Variants in ACACA observed in about 807,000 individuals in gnomAD.
ACACA encodes acetyl-CoA carboxylase alpha.
A neutral mutation model predicts 296.1 loss-of-function variants in ACACA; 103 were observed. That is an observed-to-expected ratio of 0.35 (90% CI 0.30 to 0.41). ACACA has a LOEUF of 0.41. ACACA is among the 10% of genes least tolerant of loss of function. The probability of loss-of-function intolerance (pLI) is 1.00; values close to 1 mark genes in which losing one functional copy is unlikely to be tolerated. For synonymous variants in ACACA, 953 were observed against 1,038.6 expected, an observed-to-expected ratio of 0.92 and a Z score of 1.58; for missense variants, 1,554 against 2,989.7, an observed-to-expected ratio of 0.52 and a Z score of 11.20.
intron 24 of ACACA, among the ~76,000 whole-genome samples, chr17:37,235,514 A>C (rs776231509): frequency 2.0e-5 from 3 of 152,202 alleles, no homozygotes; most frequent in African/African-American, 4.8e-5. Flanking sequence ...GTTTAAAAAG[A>C]AATGTAAATA....
At chr17:37,174,020 A>ATATATATATATATATT (rs552735515) in intron 41 of ACACA, among the ~76,000 whole-genome samples, 4 of 16,796 alleles carry the variant, frequency 2.4e-4, no homozygotes, top group African/African-American at 2.6e-4. Context: ...ATATATATAT[A>ATATATATATATATATT]TTTTTTTTTT....
At position 37,243,443 on chromosome 17, in the gene ACACA, C is replaced by A; in HGVS notation, c.2859G>T (p.Lys953Asn). 6.2e-7 allele frequency: 1 copy of A among 1,614,162 alleles called. No homozygotes were observed. The highest frequency in any genetic ancestry group is 1.1e-5 in the South Asian group (1 of 91,082). The change falls in exon 22 of 56, where the codon AAG becomes AAT. Residue 953 changes from lysine to asparagine, a missense_variant. By Grantham distance (94) the Lys-to-Asn change is moderately conservative. This residue lies in a region of ACACA where 316 missense variants were observed against 540.9 expected (regional missense o/e 0.58). Transcript: ENST00000616317. ...ACTGAGCCATTTCCTTCTTGATAGA[C>A]TTCTCCACATTGGGGGGAATGCGGC... is the stretch of plus-strand genomic sequence containing the variant. ...VSGRIPPNVE[K>N]SIKKEMAQYA...
At chr17:37,131,620 C>T (rs1421447013) in intron 45 of ACACA, among the ~76,000 whole-genome samples, 1 of 152,168 alleles carries the variant, frequency 6.6e-6, no homozygotes, top group Non-Finnish European at 1.5e-5. Context: ...TCCCATTTTG[C>T]CCCTTCTTGT....
chr17:37,279,068 TA>T (rs540800602), intron 5 of ACACA, among the ~76,000 whole-genome samples: 1 of 151,668 alleles, frequency 6.6e-6, no homozygotes, highest in Non-Finnish European at 1.5e-5. Context: ...AAACATATTT[TA>T]AAAAAAACCT....
intron 29 of ACACA, among the ~76,000 whole-genome samples, chr17:37,213,250 G>A (rs1353253842): frequency 8.0e-5 from 12 of 150,868 alleles, no homozygotes; most frequent in African/African-American, 1.2e-4. Flanking sequence ...TAGCTACTCC[G>A]AAGGTTGAGG....
intron 29 of ACACA, among the ~76,000 whole-genome samples, chr17:37,212,285 C>CCTGTGAAGTCACAGGATGAAGTCTTCTA (rs1248194983): frequency 1.2e-4 from 18 of 152,264 alleles, no homozygotes; most frequent in African/African-American, 3.9e-4. Flanking sequence ...AGGATGACGG[C>CCTGTGAAGTCACAGGATGAAGTCTTCTA]CATGTTTTCA....
chr17:37,225,779 T>C (rs1256376888), intron 26 of ACACA, among the ~76,000 whole-genome samples: 3 of 152,208 alleles, frequency 2.0e-5, no homozygotes, highest in Admixed American at 6.5e-5. Flanking sequence ...TGCTGCTTCC[T>C]TGTCAATGCC....
intron 52 of ACACA, among the ~76,000 whole-genome samples, chr17:37,100,423 G>A (rs1277483751): frequency 2.0e-5 from 3 of 151,972 alleles, no homozygotes; most frequent in African/African-American, 2.4e-5. Flanking sequence ...CATGACTTCC[G>A]CAACATTCCT....
intron 31 of ACACA, 29 bp from the exon 32 acceptor site, chr17:37,206,908 T>A: frequency 6.4e-7 from 1 of 1,569,628 alleles, no homozygotes; most frequent in Non-Finnish European, 8.8e-7. Flanking sequence ...ACACCCACCA[T>A]GAAAACTCAA....
chr17:37,398,408 T>C (rs2051160756), intron 1 of ACACA, among the ~76,000 whole-genome samples: 1 of 139,156 alleles, frequency 7.2e-6, no homozygotes, highest in South Asian at 2.6e-4. Flanking sequence ...TGCCTCAGCC[T>C]CCCGAGTAGC....
intron 43 of ACACA, among the ~76,000 whole-genome samples, chr17:37,151,810 C>T (rs996140471): frequency 8.6e-5 from 13 of 151,970 alleles, no homozygotes; most frequent in South Asian, 4.2e-4. Flanking sequence ...TACAGGCGCC[C>T]GCCACCACGC....
At chr17:37,206,721 G>A in intron 32 of ACACA, 62 bp downstream of exon 32, 1 of 1,312,244 alleles carries the variant, frequency 7.6e-7, no homozygotes, top group Non-Finnish European at 1.1e-6. Flanking sequence ...CAGAAAGATA[G>A]TATACAGTAG....
chr17:37,112,714 C>T (rs1005893633), intron 51 of ACACA, among the ~76,000 whole-genome samples: 1 of 152,116 alleles, frequency 6.6e-6, no homozygotes, highest in Non-Finnish European at 1.5e-5. Flanking sequence ...GGGCGGTCCA[C>T]TAAAACGACT....
chr17:37,363,850 C>T (rs1009313361), intron 1 of ACACA, among the ~76,000 whole-genome samples: 1 of 151,264 alleles, frequency 6.6e-6, no homozygotes, highest in African/African-American at 2.4e-5. Context: ...CGGCAGGGCA[C>T]GGTGGCTCAT....
At chr17:37,278,074 A>C in intron 5 of ACACA, 69 bp from the exon 6 acceptor site, 1 of 1,178,786 alleles carries the variant, frequency 8.5e-7, no homozygotes, top group Non-Finnish European at 1.3e-6. Context: ...GCACAGCAAA[A>C]CTACGTAAAG....
intron 32 of ACACA, among the ~76,000 whole-genome samples, 177 bp downstream of exon 32, chr17:37,206,606 A>T (rs542510771): frequency 1.3e-5 from 2 of 152,258 alleles, no homozygotes; most frequent in East Asian, 1.9e-4. Context: ...TTAAGTTAGG[A>T]TTTATATTCC....
At chr17:37,154,506 C>CT (rs947720928) in intron 43 of ACACA, among the ~76,000 whole-genome samples, 25 of 149,562 alleles carry the variant, frequency 1.7e-4, no homozygotes, top group African/African-American at 3.9e-4. Context: ...TTTTTTTTTT[C>CT]TTTTTTTTGA....
chr17:37,311,004 A>T (rs1376491608), intron 3 of ACACA, among the ~76,000 whole-genome samples: 1 of 152,146 alleles, frequency 6.6e-6, no homozygotes, highest in Non-Finnish European at 1.5e-5. Context: ...ATGTGTTTCA[A>T]GAAAAAAGTA....
intron 3 of ACACA, among the ~76,000 whole-genome samples, chr17:37,314,733 TG>T (rs2047006208): frequency 6.7e-6 from 1 of 148,872 alleles, no homozygotes; most frequent in Admixed American, 6.8e-5. Context: ...CTCCGCCTTC[TG>T]GGTTCAAGTG....
Sources: allele counts gnomAD v4.1 joint callset (sites outside exome capture counted in the v4.1 genomes callset), GRCh38; gene constraint gnomAD v4.1.1; regional missense constraint gnomAD v4.1.1; transcripts MANE v1.5; gene names NCBI Gene and HGNC (gene_info 2026-07-23, HGNC 2026-07-21).